The following WDR47 variants were observed in gnomAD, a reference collection of about 807,000 sequenced individuals.
WDR47 encodes WD repeat domain 47, also known as WD repeat-containing protein 47.
A neutral mutation model predicts 97.2 loss-of-function variants in WDR47; 32 were observed. That is an observed-to-expected ratio of 0.33 (90% CI 0.25 to 0.44). The LOEUF (loss-of-function observed/expected upper bound fraction) is 0.44. Among genes scored for constraint, WDR47 ranks in the 20% least tolerant of loss-of-function variants. WDR47 has a pLI of 1.00. For synonymous variants in WDR47, 375 were observed against 373.5 expected, an observed-to-expected ratio of 1.00 and a Z score of -0.05; for missense variants, 782 against 1,102.3, an observed-to-expected ratio of 0.71 and a Z score of 4.11.
At chr1:108,998,427 GGGA>G (rs1282829953) in intron 7 of WDR47, among the ~76,000 whole-genome samples, 1 of 151,976 alleles carries the variant, frequency 6.6e-6, no homozygotes, top group Non-Finnish European at 1.5e-5. Flanking sequence ...GCTTGAACCT[GGGA>G]GGAAGACGTT....
intron 13 of WDR47, among the ~76,000 whole-genome samples, chr1:108,976,749 G>A (rs1021734366): frequency 6.6e-6 from 1 of 152,164 alleles, no homozygotes; most frequent in Admixed American, 6.5e-5. Context: ...CTAAAGACAC[G>A]AAGGACCTAA....
chr1:109,035,332 G>C (rs1233382255), intron 1 of WDR47, among the ~76,000 whole-genome samples: 4 of 151,506 alleles, frequency 2.6e-5, no homozygotes, highest in African/African-American at 9.7e-5. Flanking sequence ...TCTGAAGAAA[G>C]GCATGGGATT....
At chr1:109,031,531 A>C (rs1662601776) in intron 1 of WDR47, among the ~76,000 whole-genome samples, 1 of 139,196 alleles carries the variant, frequency 7.2e-6, no homozygotes, top group African/African-American at 2.6e-5. Flanking sequence ...AAACCTGTAC[A>C]TGTACCCCTG....
rs376810480 is a variant in WDR47, at chr1:108,974,684, G to C, written c.2469C>G (p.Ser823Arg). 46 of 1,613,942 alleles carry C rather than the reference G, an allele frequency of 2.9e-5. No homozygotes were observed. The highest frequency in any genetic ancestry group is 3.6e-5 in the Non-Finnish European group (43 of 1,180,002). ...RLLATGQEDS[S>R]CMLYDIRGGR... ...CTCCTCTTATGTCATACAACATGCA[G>C]CTAGAATCTTCTTGACCTGTGGCTA... Residue 823 changes from serine (S) to arginine (R), a missense_variant, in exon 14 of 15, where the codon AGC (serine) becomes AGG (arginine). Transcript: ENST00000369962.
rs1335257266 is a variant in WDR47, at chr1:108,970,430, A to G, written c.*1000T>C. On this transcript the variant is annotated 3_prime_UTR_variant, in exon 15 of 15. Coordinates refer to ENST00000369962, the MANE Select transcript of WDR47 (RefSeq NM_001142551.2). ...ACAATATGAAAATAAAGATACATAAATGTTAGAATCTACAAAGCTGTAGAA... is the reference window on the plus strand; with the variant it reads ...ACAATATGAAAATAAAGATACATAAGTGTTAGAATCTACAAAGCTGTAGAA... The G allele has an allele frequency of 6.6e-6, 1 of 152,670 alleles. No homozygotes were observed. Among genetic ancestry groups the G allele is most frequent in the Non-Finnish European group, 1.5e-5 (1 of 68,046 alleles). 9.5% of individuals were successfully genotyped at this position (152,670 alleles called of 1,614,324 possible). A position where few individuals can be genotyped will look rare whatever the true frequency, so the allele number is the denominator to read the frequency against.
In WDR47 at chr1:108,983,464, A is replaced by T; in HGVS notation, c.1926-13T>A. 1 of 1,532,688 alleles carries T rather than the reference A, an allele frequency of 6.5e-7. No homozygotes were observed. Among genetic ancestry groups the T allele is most frequent in the Non-Finnish European group, 8.8e-7 (1 of 1,137,958 alleles). The allele number at this position is 1,532,688 out of a possible 1,614,324, so 94.9% of individuals were successfully genotyped here. Reference sequence around the variant, plus strand: ...AGTCTCATGTGCACTGAAAAGAAAAATTACAGAAATATATTTCAATTTCTT... The same window carrying T: ...AGTCTCATGTGCACTGAAAAGAAAATTTACAGAAATATATTTCAATTTCTT... On this transcript the variant is annotated splice_polypyrimidine_tract_variant and intron_variant, in intron 10 of 14. Coordinates refer to ENST00000369962, the MANE Select transcript of WDR47 (RefSeq NM_001142551.2).
At chr1:108,980,262 G>A (rs517843) in intron 13 of WDR47, among the ~76,000 whole-genome samples, 5,151 of 151,922 alleles carry the variant, frequency 0.034, 135 homozygotes, top group South Asian at 0.071. Context: ...AATGATCATG[G>A]ACTCAAATGT....
At chr1:109,005,924 A>T (rs1660575877) in intron 5 of WDR47, among the ~76,000 whole-genome samples, 1 of 152,188 alleles carries the variant, frequency 6.6e-6, no homozygotes, top group Admixed American at 6.5e-5. Flanking sequence ...GCCTTGGGAC[A>T]GTCACTTATA....
chr1:108,980,271 G>A (rs1410317907), intron 13 of WDR47, among the ~76,000 whole-genome samples: 2 of 151,952 alleles, frequency 1.3e-5, no homozygotes, highest in Non-Finnish European at 1.5e-5. Context: ...GGACTCAAAT[G>A]TGCTGTAAAA....
intron 13 of WDR47, among the ~76,000 whole-genome samples, chr1:108,976,207 A>C (rs370805663): frequency 1.1e-4 from 16 of 152,304 alleles, no homozygotes; most frequent in African/African-American, 3.8e-4. Flanking sequence ...GGCCACTAGA[A>C]GACAAGAAAG....
chr1:109,004,337 A>G (rs868628810), intron 6 of WDR47, among the ~76,000 whole-genome samples: 20 of 152,326 alleles, frequency 1.3e-4, no homozygotes, highest in Middle Eastern at 3.4e-3. Flanking sequence ...AAGCATGTAA[A>G]ACATGCAATG....
At chr1:109,000,230 G>C (rs4971327) in intron 7 of WDR47, among the ~76,000 whole-genome samples, 6,423 of 151,910 alleles carry the variant, frequency 0.042, 186 homozygotes, top group Non-Finnish European at 0.059. Context: ...AAACAAAAAG[G>C]GCAGGCGCAG....
intron 1 of WDR47, chr1:109,030,052 A>C (rs948430710): frequency 5.1e-5 from 27 of 527,012 alleles, no homozygotes; most frequent in African/African-American, 3.3e-4. Flanking sequence ...GTGACGACCT[A>C]CCCACAGGAG....
chr1:109,019,214 C>G (rs1376110242), intron 2 of WDR47, among the ~76,000 whole-genome samples: 1 of 151,910 alleles, frequency 6.6e-6, no homozygotes, highest in Non-Finnish European at 1.5e-5. Flanking sequence ...GAAACACCAT[C>G]TCTACTAAAA....
chr1:108,986,586 T>C lies in WDR47; in HGVS notation c.1862A>G (p.Tyr621Cys). 1 of 1,613,826 alleles carries C rather than the reference T, an allele frequency of 6.2e-7. No individual in the cohort carries two copies. Among genetic ancestry groups the C allele is most frequent in the Non-Finnish European group, 8.5e-7 (1 of 1,179,820 alleles). Residue 621 changes from tyrosine (Y) to cysteine (C), a missense_variant, in exon 10 of 15, where the codon TAT becomes TGT. Tyr to Cys is a radical substitution (Grantham distance 194, BLOSUM62 -2). Transcript: ENST00000369962. The stretch of plus-strand genomic sequence containing the variant: ...AGTTTTTGAATTTGAACCAACAGCA[T>C]ATAAACCTCCAGCTGGATGAAAAGC... ...AVAFHPAGGL[Y>C]AVGSNSKTLR...
Position 108,983,454 on chromosome 1 carries a change from G to A in WDR47, c.1926-3C>T. On this transcript the variant is annotated splice_region_variant and splice_polypyrimidine_tract_variant and intron_variant, in intron 10 of 14. Coordinates refer to ENST00000369962, the MANE Select transcript of WDR47 (RefSeq NM_001142551.2). ...GCTGCTTAGGAGTCTCATGTGCACT[G>A]AAAAGAAAAATTACAGAAATATATT... 2 of 1,542,140 alleles carry A rather than the reference G, an allele frequency of 1.3e-6. No individual in the cohort carries two copies. Among genetic ancestry groups the A allele is most frequent in the South Asian group, 1.3e-5 (1 of 79,858 alleles).
At chr1:109,018,599 G>A (rs765492908) in intron 2 of WDR47, among the ~76,000 whole-genome samples, 20 of 152,054 alleles carry the variant, frequency 1.3e-4, no homozygotes, top group Admixed American at 7.9e-4. Context: ...CAATTCACTC[G>A]AGCTCAGGAG....
Position 108,991,267 on chromosome 1 carries a change from G to C in WDR47, c.1754C>G (p.Ser585Trp), listed in dbSNP as rs368715513. ...LGDSPGSLSR[S>W]KGEEDDKSKK... Reference sequence around the variant, plus strand: ...CCAAAGTATTACCTCTTCCCCTTTCGACCTTGAAAGACTCCCTGGAGAATC... The same window carrying C: ...CCAAAGTATTACCTCTTCCCCTTTCCACCTTGAAAGACTCCCTGGAGAATC... The change falls in exon 9 of 15, where the codon TCG becomes TGG. Residue 585 changes from serine (S) to tryptophan (W), a missense_variant. By Grantham distance (177) the Ser-to-Trp change is radical. Around this residue, in one of 3 missense-constraint regions of WDR47, gnomAD observed 126 missense variants for 121.3 expected, o/e 1.04. Transcript: ENST00000369962. The C allele has an allele frequency of 6.2e-7, 1 of 1,612,466 alleles. No individual in the cohort carries two copies. Among genetic ancestry groups the C allele is most frequent in the Admixed American group, 1.7e-5 (1 of 59,990 alleles).
At position 108,995,841 on chromosome 1, in the gene WDR47, T is replaced by C. The variant is rs1476830081; in HGVS notation, c.1434-4A>G. On this transcript the variant is annotated splice_polypyrimidine_tract_variant and splice_region_variant and intron_variant, in intron 7 of 14. Coordinates refer to ENST00000369962, the MANE Select transcript of WDR47 (RefSeq NM_001142551.2). ...TTCACCAAGCTTTTGAATGGACCTATAAAATTAAACAATGTAATCATTTTA... is the reference window on the plus strand; with the variant it reads ...TTCACCAAGCTTTTGAATGGACCTACAAAATTAAACAATGTAATCATTTTA... 1 of 1,611,716 alleles carries C rather than the reference T, an allele frequency of 6.2e-7. No individual in the cohort carries two copies. The highest frequency in any genetic ancestry group is 8.5e-7 in the Non-Finnish European group (1 of 1,178,552).
Sources: allele counts gnomAD v4.1 joint callset (sites outside exome capture counted in the v4.1 genomes callset), GRCh38; gene constraint gnomAD v4.1.1; regional missense constraint gnomAD v4.1.1; transcripts MANE v1.5; gene names NCBI Gene and HGNC (gene_info 2026-07-23, HGNC 2026-07-21).